Variants in DNAI7 observed in about 807,000 individuals in gnomAD.
The protein encoded by DNAI7 is dynein axonemal intermediate chain 7.
Under a neutral mutation model 86.6 loss-of-function variants are expected in DNAI7, and 78 were observed. The ratio of observed to expected loss-of-function variants is 0.90; its 90% CI spans 0.75 to 1.09. DNAI7 has a LOEUF of 1.09. Ranked by LOEUF, DNAI7 falls within the 50% of genes least tolerant of loss-of-function variation. The pLI is 0.00. For missense variants in DNAI7, 753 were observed against 810.2 expected, an observed-to-expected ratio of 0.93 and a Z score of 0.86; for synonymous variants, 274 against 273.0, an observed-to-expected ratio of 1.00 and a Z score of -0.04.
intron 6 of DNAI7, among the ~76,000 whole-genome samples, chr12:25,153,656 G>A (rs959502945): frequency 6.6e-6 from 1 of 152,152 alleles, no homozygotes; most frequent in African/African-American, 2.4e-5. Context: ...CCAATGCTAA[G>A]CCATAGCAGT....
At chr12:25,155,166 T>C in intron 5 of DNAI7, 145 bp downstream of exon 5, 2 of 491,656 alleles carry the variant, frequency 4.1e-6, no homozygotes, top group Non-Finnish European at 7.3e-6. Context: ...TATGTTAGTT[T>C]ACTTTGCCAT....
chr12:25,118,537 G>T (rs779236855), intron 12 of DNAI7, among the ~76,000 whole-genome samples: 1 of 150,298 alleles, frequency 6.7e-6, no homozygotes, highest in Non-Finnish European at 1.5e-5. Flanking sequence ...TGCTGAGATT[G>T]CAGGCATGAG....
At chr12:25,160,876 T>C (rs1946769055) in intron 3 of DNAI7, among the ~76,000 whole-genome samples, 2 of 152,218 alleles carry the variant, frequency 1.3e-5, no homozygotes, top group Non-Finnish European at 2.9e-5. Context: ...ATCTGAAAGT[T>C]AAATTTAACT....
At chr12:25,176,413 C>T (rs1271899223) in intron 2 of DNAI7, among the ~76,000 whole-genome samples, 1 of 151,892 alleles carries the variant, frequency 6.6e-6, no homozygotes, top group Non-Finnish European at 1.5e-5. Flanking sequence ...ATTTTGATAA[C>T]TAAATGTTAA....
Position 25,116,947 on chromosome 12 carries a change from T to C in DNAI7, c.1397-2077A>G, listed in dbSNP as rs1380500381. On this transcript the variant is annotated intron_variant, in intron 12 of 15. Coordinates refer to ENST00000395987, the MANE Select transcript of DNAI7 (RefSeq NM_018272.5). ...ACTAGGTTTTTTAACTTATTTTTTATTTTTTGAGACAGGGTCTCACTCTGT... is the reference window on the plus strand; with the variant it reads ...ACTAGGTTTTTTAACTTATTTTTTACTTTTTGAGACAGGGTCTCACTCTGT... Among the ~76,000 whole-genome samples, 3 of 152,036 alleles carry C rather than the reference T, an allele frequency of 2.0e-5. No homozygotes were observed. The East Asian group carries it at 5.8e-4, about 29-fold the overall frequency.
Position 25,169,315 on chromosome 12 carries a change from A to AC in DNAI7, c.22-8119dup, listed in dbSNP as rs551075325. Among the ~76,000 whole-genome samples the AC allele has an allele frequency of 6.1e-3, 930 of 151,532 alleles. 10 individuals are homozygous for AC. The highest frequency in any genetic ancestry group is 0.021 in the African/African-American group (871 of 41,302). ...AAGCTCCCCTACTGAGCACCTTGTG[A>AC]CCCCCACTCCTGCCCACTAGAGAAC... On this transcript the variant is annotated intron_variant, in intron 2 of 15. Transcript: ENST00000395987.
downstream of DNAI7, among the ~76,000 whole-genome samples, chr12:25,107,479 C>T (rs1236056854): frequency 2.0e-5 from 3 of 152,172 alleles, no homozygotes; most frequent in Non-Finnish European, 2.9e-5. Context: ...CACAGACATC[C>T]ACTCTACCCA....
intron 9 of DNAI7, among the ~76,000 whole-genome samples, chr12:25,138,762 C>T (rs1210876616): frequency 6.6e-6 from 1 of 150,554 alleles, no homozygotes; most frequent in Non-Finnish European, 1.5e-5. Flanking sequence ...TCTGAAAGAG[C>T]ACAAATAGAA....
At chr12:25,141,592 A>G (rs1944189828) in intron 9 of DNAI7, among the ~76,000 whole-genome samples, 1 of 152,208 alleles carries the variant, frequency 6.6e-6, no homozygotes, top group Admixed American at 6.5e-5. Context: ...GCACTTTGGG[A>G]GGCCAAGGCA....
intron 6 of DNAI7, among the ~76,000 whole-genome samples, chr12:25,151,848 A>G (rs1043595257): frequency 6.6e-6 from 1 of 152,236 alleles, no homozygotes; most frequent in Non-Finnish European, 1.5e-5. Flanking sequence ...CTTGTTGTTT[A>G]GATTAAATCT....
Position 25,108,587 on chromosome 12 carries a change from GCACA to G in DNAI7, c.2126_2129del (p.Val709AlafsTer22). 6.2e-7 allele frequency: 1 copy of G among 1,613,688 alleles called. No homozygotes were observed. The highest frequency in any genetic ancestry group is 1.3e-5 in the African/African-American group (1 of 74,948). On this transcript the variant is annotated frameshift_variant, in exon 16 of 16. Transcript: ENST00000395987. LOFTEE classifies it high-confidence loss of function. The stretch of plus-strand genomic sequence containing the variant: ...GCAATCTGGTAGAGAGCAGCATGTG[GCACA>G]CAGAGTTGACAAACTGACAGTTGGA...
At chr12:25,112,182 A>G (rs779332304) in intron 13 of DNAI7, among the ~76,000 whole-genome samples, 43 of 152,224 alleles carry the variant, frequency 2.8e-4, no homozygotes, top group Non-Finnish European at 4.3e-4. Context: ...AGAATGGACT[A>G]TAGCATCTCT....
intron 7 of DNAI7, 69 bp downstream of exon 7, chr12:25,149,559 T>C: frequency 8.8e-7 from 1 of 1,132,660 alleles, no homozygotes; most frequent in Non-Finnish European, 1.3e-6. Context: ...TAAAAAATAC[T>C]GGATTATTTT....
intron 2 of DNAI7, among the ~76,000 whole-genome samples, chr12:25,175,319 T>G (rs1382515315): frequency 6.6e-6 from 1 of 152,116 alleles, no homozygotes; most frequent in Non-Finnish European, 1.5e-5. Flanking sequence ...TATCTATATT[T>G]TTGTCTGCCT....
rs199624122 is a variant in DNAI7, at chr12:25,129,770, T to TA, written c.1003-6485_1003-6484insT. Among the ~76,000 whole-genome samples the TA allele has an allele frequency of 4.5e-3, 684 of 151,430 alleles. 5 individuals are homozygous for TA. The highest frequency in any genetic ancestry group is 0.015 in the African/African-American group (632 of 41,372). ...GGTTTATTTTTATTTTATTTTTATT[T>TA]TTTTTTTTTGACATGGAGTTTCACT... On this transcript the variant is annotated intron_variant, in intron 9 of 15. Coordinates refer to ENST00000395987, the MANE Select transcript of DNAI7 (RefSeq NM_018272.5).
Position 25,161,174 on chromosome 12 carries a change from G to T in DNAI7, c.45C>A (p.Val15=). Residue 15 remains valine (V), a synonymous_variant, in exon 3 of 16, where the codon GTC becomes GTA. Transcript: ENST00000395987. ...GCAGCTTCAATCGTTCAGCTTTGGT[G>T]ACTTTCTTTTTCTTACTGCCAGACT... ...AKKSGSKKKK[V]TKAERLKLLQ... 6.2e-7 allele frequency: 1 copy of T among 1,613,830 alleles called. No homozygotes were observed. The highest frequency in any genetic ancestry group is 8.5e-7 in the Non-Finnish European group (1 of 1,179,892).
intron 2 of DNAI7, among the ~76,000 whole-genome samples, chr12:25,185,157 C>CA (rs1181906600): frequency 2.0e-5 from 3 of 151,746 alleles, no homozygotes; most frequent in East Asian, 3.9e-4. Context: ...ATAAAATAAA[C>CA]AAAAAACAAA....
intron 4 of DNAI7, among the ~76,000 whole-genome samples, chr12:25,157,774 A>G (rs1946357380): frequency 6.6e-6 from 1 of 152,226 alleles, no homozygotes; most frequent in Admixed American, 6.5e-5. Context: ...TACTGATCTA[A>G]AAGATTCTAG....
Position 25,144,520 on chromosome 12 carries a change from C to T in DNAI7, c.847G>A (p.Val283Ile). The T allele has an allele frequency of 6.2e-7, 1 of 1,614,114 alleles. No individual in the cohort carries two copies. The highest frequency in any genetic ancestry group is 8.5e-7 in the Non-Finnish European group (1 of 1,180,014). Residue 283 changes from valine (V) to isoleucine (I), a missense_variant, in exon 9 of 16, where the codon GTA becomes ATA. Physicochemically the swap from Val to Ile is conservative, Grantham distance 29 (BLOSUM62 3). Transcript: ENST00000395987. ...ACATCATCTTTGACAAGCTCAGTTA[C>T]TGCAGAAGTGTATTCTTTTGATGGT... ...STPSKEYTSA[V>I]TELVKDDVKN...
Sources: gnomAD v4.1 joint callset for allele counts (sites outside exome capture counted in the v4.1 genomes callset) on GRCh38, gnomAD v4.1.1 for gene constraint, MANE v1.5 for transcripts, NCBI Gene and HGNC (gene_info 2026-07-23, HGNC 2026-07-21) for gene names.